TUT4: variants seen among roughly 807,000 people sequenced by gnomAD.
The protein encoded by TUT4 is terminal uridylyltransferase 4.
A neutral mutation model predicts 192.2 loss-of-function variants in TUT4; 36 were observed. That is an observed-to-expected ratio of 0.19 (90% confidence interval 0.14 to 0.25). The LOEUF is 0.25. Among genes scored for constraint, TUT4 ranks in the 10% least tolerant of loss-of-function variants. The pLI, the probability that TUT4 is intolerant of heterozygous loss-of-function variation, is 1.00. For missense variants in TUT4, 1,493 were observed against 1,957.2 expected (o/e 0.76, Z 4.47); for synonymous variants, 618 against 666.0 (o/e 0.93, Z 1.11).
At chr1:52,457,241 C>CT (rs921711897) in intron 20 of TUT4, among the ~76,000 whole-genome samples, 81 of 145,562 alleles carry the variant, frequency 5.6e-4, no homozygotes, top group Middle Eastern at 3.5e-3. Context: ...TTTTTCTTTT[C>CT]TTTTTTTTTT....
chr1:52,429,528 A>AC (rs1651291663), intron 28 of TUT4, among the ~76,000 whole-genome samples: 1 of 150,884 alleles, frequency 6.6e-6, no homozygotes, highest in Non-Finnish European at 1.5e-5. Context: ...CTGCACTCCA[A>AC]CCTGGACAAC....
chr1:52,539,509 G>C (rs903455290), intron 1 of TUT4, among the ~76,000 whole-genome samples: 3 of 152,178 alleles, frequency 2.0e-5, no homozygotes, highest in African/African-American at 7.2e-5. Context: ...AAACAGGTAT[G>C]GGGGGGAAAG....
chr1:52,465,168 C>T lies in TUT4; in HGVS notation c.2971G>A (p.Ala991Thr), dbSNP rs768381076. The change falls in exon 16 of 30, where the codon GCA (alanine) becomes ACA (threonine). Residue 991 changes from alanine to threonine, a missense_variant. Ala to Thr is a moderately conservative substitution (Grantham distance 58). Coordinates refer to ENST00000257177, the MANE Select transcript of TUT4 (RefSeq NM_001009881.3). ...KFIQKEYDEK[A>T]RLCLFGSSKN... ...GAAGAGCCAAATAAGCACAACCTTG[C>T]CTTTTCTAAGCAAAGGAAAACAAAG... 4.3e-6 allele frequency: 7 copies of T among 1,612,674 alleles called. No individual in the cohort carries two copies. In the South Asian group the frequency reaches 6.6e-5, roughly 15 times the overall value.
chr1:52,432,333 G>A (rs973136273), intron 27 of TUT4: 1 of 152,172 alleles, frequency 6.6e-6, no homozygotes, highest in Non-Finnish European at 1.5e-5. Flanking sequence ...GAGAGGAAGA[G>A]TGTTCAATAT....
chr1:52,547,846 G>C (rs72905633), intron 1 of TUT4, among the ~76,000 whole-genome samples: 9,138 of 152,224 alleles, frequency 0.06, 298 homozygotes, highest in South Asian at 0.086. Context: ...CCAAAGGCTT[G>C]GAGGAGGAAG....
At chr1:52,523,934 A>G (rs1680991404) in intron 2 of TUT4, among the ~76,000 whole-genome samples, 1 of 152,210 alleles carries the variant, frequency 6.6e-6, no homozygotes, top group Non-Finnish European at 1.5e-5. Context: ...GGTTCTTTTT[A>G]TTTCTACATC....
intron 4 of TUT4, among the ~76,000 whole-genome samples, chr1:52,498,117 G>A (rs1333139007): frequency 6.6e-6 from 1 of 151,960 alleles, no homozygotes; most frequent in East Asian, 1.9e-4. Flanking sequence ...CTTACCTCAG[G>A]TAAGGAATTA....
In TUT4 at chr1:52,509,702, T is replaced by A; in HGVS notation, c.893A>T (p.Glu298Val). The change falls in exon 4 of 30, where the codon GAA becomes GTA. Residue 298 changes from glutamate to valine, a missense_variant. Transcript: ENST00000257177. The stretch of plus-strand genomic sequence containing the variant: ...GCATAGATACCGACAATTGGTATAT[T>A]CTGGTGATCGCTGAAGAGACAAATT... ...HIFRLEKRSP[E>V]YTNCRYLCKL... is the part of the protein sequence containing the mutation. 6.2e-7 allele frequency: 1 copy of A among 1,602,908 alleles called. No homozygotes were observed. The highest frequency in any genetic ancestry group is 8.5e-7 in the Non-Finnish European group (1 of 1,171,010).
intron 15 of TUT4, among the ~76,000 whole-genome samples, chr1:52,466,966 C>CA (rs533280702): frequency 6.6e-5 from 10 of 150,954 alleles, no homozygotes; most frequent in East Asian, 2.0e-4. Context: ...CGCACCTGGC[C>CA]AAAAAAAATA....
chr1:52,522,906 CAGAGTG>C (rs1680664584), intron 2 of TUT4, among the ~76,000 whole-genome samples: 1 of 151,134 alleles, frequency 6.6e-6, no homozygotes, highest in Admixed American at 6.6e-5. Context: ...CCCTGGACAA[CAGAGTG>C]AAGCTCTGTC....
intron 25 of TUT4, chr1:52,437,479 C>T (rs1654143692): frequency 6.5e-6 from 1 of 152,938 alleles, no homozygotes; most frequent in Non-Finnish European, 1.5e-5. Flanking sequence ...ATGTACATTC[C>T]CCAAGATCTA....
chr1:52,549,792 C>T (rs906298898), intron 1 of TUT4, among the ~76,000 whole-genome samples: 17 of 151,390 alleles, frequency 1.1e-4, no homozygotes, highest in Admixed American at 3.3e-4. Flanking sequence ...TTACACTGAA[C>T]GAGTGAAAAA....
rs575978735 is a variant in TUT4 at position 52,468,520 on chromosome 1, T to G, written c.2879-253A>C. ...ACAGAAAAATAATTTTTAAGATATA[T>G]GTACATTTCACATGATCATTTTCCG... On this transcript the variant is annotated intron_variant, in intron 14 of 29. Transcript: ENST00000257177. The G allele has an allele frequency of 1.9e-5, 7 of 361,658 alleles. No individual in the cohort carries two copies. In the South Asian group the frequency reaches 2.6e-4, roughly 13 times the overall value. 22.4% of individuals were successfully genotyped at this position (361,658 alleles called of 1,614,324 possible). A position where few individuals can be genotyped will look rare whatever the true frequency, so the allele number is the denominator to read the frequency against.
chr1:52,532,522 G>A (rs921376499), intron 1 of TUT4, among the ~76,000 whole-genome samples: 5 of 151,956 alleles, frequency 3.3e-5, no homozygotes, highest in Admixed American at 1.3e-4. Flanking sequence ...ATGTTGCCCA[G>A]GCTGTCTCGA....
chr1:52,514,722 T>C (rs1409337534), intron 3 of TUT4: 1 of 152,152 alleles, frequency 6.6e-6, no homozygotes, highest in East Asian at 1.9e-4. Context: ...CCTATTTCCT[T>C]GTAAGCATAT....
intron 4 of TUT4, among the ~76,000 whole-genome samples, chr1:52,507,639 A>G (rs558143426): frequency 1.3e-5 from 2 of 152,264 alleles, no homozygotes; most frequent in African/African-American, 4.8e-5. Flanking sequence ...TGAAAATCCA[A>G]AATGTGAAAT....
intron 16 of TUT4, chr1:52,462,685 A>T: frequency 1.0e-6 from 1 of 975,742 alleles, no homozygotes; most frequent in Non-Finnish European, 1.2e-6. Context: ...TCTGTGAGTT[A>T]TTTATTATAA....
At chr1:52,430,035 T>A (rs1337391198) in intron 28 of TUT4, among the ~76,000 whole-genome samples, 13 of 152,328 alleles carry the variant, frequency 8.5e-5, no homozygotes, top group South Asian at 2.1e-4. Flanking sequence ...AGTTTTTTTT[T>A]AATGACTGAA....
At chr1:52,516,728 A>G (rs1250047792) in intron 2 of TUT4, among the ~76,000 whole-genome samples, 2 of 152,216 alleles carry the variant, frequency 1.3e-5, no homozygotes, top group Non-Finnish European at 2.9e-5. Flanking sequence ...AAACACATAA[A>G]TGGCTTTTGA....
Sources: gnomAD v4.1 joint callset for allele counts (sites outside exome capture counted in the v4.1 genomes callset) on GRCh38, gnomAD v4.1.1 for gene constraint, MANE v1.5 for transcripts, NCBI Gene and HGNC (gene_info 2026-07-23, HGNC 2026-07-21) for gene names.